Variants in ALDH5A1 observed in about 807,000 individuals in gnomAD.
ALDH5A1 encodes aldehyde dehydrogenase 5 family member A1.
A neutral mutation model predicts 54.7 loss-of-function variants in ALDH5A1; 33 were observed. That is an observed-to-expected ratio of 0.60 (90% confidence interval 0.46 to 0.81). The LOEUF (loss-of-function observed/expected upper bound fraction) is 0.81. ALDH5A1 is among the 30% of genes least tolerant of loss of function. ALDH5A1 has a pLI of 0.00. For missense variants in ALDH5A1, 657 were observed against 711.0 expected (o/e 0.92, Z 0.86); for synonymous variants, 294 against 292.7 (o/e 1.00, Z -0.05).
At position 24,495,156 on chromosome 6, in the gene ALDH5A1, C is replaced by T. The variant is rs1420187412; in HGVS notation, c.160C>T (p.Leu54Phe). The T allele has an allele frequency of 1.4e-6, 2 of 1,436,808 alleles. No homozygotes were observed. Among genetic ancestry groups the T allele is most frequent in the Non-Finnish European group, 1.8e-6 (2 of 1,101,624 alleles). 89.0% of individuals were successfully genotyped at this position (1,436,808 alleles called of 1,614,324 possible). Reference sequence around the variant, plus strand: ...CTGCTACGCTGGGCGCCTGGCGGGCCTCTCTGCGGCGCTGCTGCGCACCGA... The same window carrying T: ...CTGCTACGCTGGGCGCCTGGCGGGCTTCTCTGCGGCGCTGCTGCGCACCGA... ...LRCYAGRLAGLSAALLRTDSF... is the reference protein window; with the variant it reads ...LRCYAGRLAGFSAALLRTDSF... The change falls in exon 1 of 10, where the codon CTC becomes TTC. Residue 54 changes from leucine (L) to phenylalanine (F), a missense_variant. Transcript: ENST00000357578.
At chr6:24,503,240 G>A (rs372750006) in intron 2 of ALDH5A1, 23 bp from the exon 3 acceptor site, 60 of 1,611,634 alleles carry the variant, frequency 3.7e-5, no homozygotes, top group Non-Finnish European at 4.7e-5. Context: ...GTAATACGTG[G>A]GTTCTTTTCT....
chr6:24,515,734 G>A (rs936004593), intron 5 of ALDH5A1, among the ~76,000 whole-genome samples: 1 of 152,130 alleles, frequency 6.6e-6, no homozygotes. Context: ...AAAAAGGTCT[G>A]TTGGTTGAAT....
intron 4 of ALDH5A1, among the ~76,000 whole-genome samples, chr6:24,506,243 CTTTTTTTTTT>C (rs70974913): frequency 6.1e-4 from 32 of 52,160 alleles, no homozygotes; most frequent in South Asian, 1.1e-3. Flanking sequence ...TTCCTGGTTC[CTTTTTTTTTT>C]TTTTTTTTTT....
intron 1 of ALDH5A1, among the ~76,000 whole-genome samples, chr6:24,498,867 G>A (rs1209378406): frequency 6.6e-6 from 1 of 152,172 alleles, no homozygotes; most frequent in Admixed American, 6.5e-5. Context: ...GGGAGGCTAA[G>A]GCAGGTGGAT....
intron 1 of ALDH5A1, among the ~76,000 whole-genome samples, chr6:24,500,882 T>A (rs965983751): frequency 1.3e-5 from 2 of 149,728 alleles, no homozygotes; most frequent in African/African-American, 2.4e-5. Context: ...TGAGACCTTG[T>A]CTGTACAAAA....
chr6:24,504,175 G>A (rs573752762), intron 3 of ALDH5A1, among the ~76,000 whole-genome samples: 3 of 152,254 alleles, frequency 2.0e-5, no homozygotes, highest in South Asian at 4.2e-4. Context: ...CACTGTCTCC[G>A]TTTTCTTGAA....
At chr6:24,525,013 C>T (rs538562786) in intron 7 of ALDH5A1, among the ~76,000 whole-genome samples, 40 of 152,224 alleles carry the variant, frequency 2.6e-4, no homozygotes, top group African/African-American at 5.5e-4. Context: ...TGGTGCTGTA[C>T]GCCAGGACTT....
chr6:24,504,698 C>T (rs1411309209), intron 3 of ALDH5A1, among the ~76,000 whole-genome samples, 171 bp from the exon 4 acceptor site: 1 of 151,986 alleles, frequency 6.6e-6, no homozygotes, highest in East Asian at 1.9e-4. Context: ...ATCTCAGAGT[C>T]CCTCAAGTTG....
intron 8 of ALDH5A1, 30 bp from the exon 9 acceptor site, chr6:24,532,089 A>G: frequency 6.2e-7 from 1 of 1,610,520 alleles, no homozygotes; most frequent in Non-Finnish European, 8.5e-7. Flanking sequence ...TCCCCCTTAC[A>G]TTTTTTATGA....
rs1759239237 is a variant in ALDH5A1 at position 24,503,165 on chromosome 6, C to G, written c.439-98C>G. 4 of 1,462,132 alleles carry G rather than the reference C, an allele frequency of 2.7e-6. No homozygotes were observed. The Admixed American group carries it at 7.7e-5, about 28-fold the overall frequency. 90.6% of individuals were successfully genotyped at this position (1,462,132 alleles called of 1,614,324 possible). On this transcript the variant is annotated intron_variant, in intron 2 of 9. Transcript: ENST00000357578. ...ACTCTATGGGTATCGTTATAGGAGA[C>G]TTTTCTACTCTTGTTGCATCTTGAA...
In ALDH5A1 at chr6:24,509,527, C is replaced by T. The variant is rs1191867558; in HGVS notation, c.726+4542C>T. ...CCATTTCAGTCTGTTCGGGATATCTCGTTCTTCCTGATTTAAGCTAGGAGG... is the reference window on the plus strand; with the variant it reads ...CCATTTCAGTCTGTTCGGGATATCTTGTTCTTCCTGATTTAAGCTAGGAGG... On this transcript the variant is annotated intron_variant, in intron 4 of 9. Coordinates refer to ENST00000357578, the MANE Select transcript of ALDH5A1 (RefSeq NM_001080.3). This position sits in a 1 kb window ranked among gnomAD's most constrained non-coding sequence, Gnocchi z 4.7. Among the ~76,000 whole-genome samples, 2 of 152,156 alleles carry T rather than the reference C, an allele frequency of 1.3e-5. No homozygotes were observed. The highest frequency in any genetic ancestry group is 1.9e-4 in the East Asian group (1 of 5,178).
In ALDH5A1 at chr6:24,509,125, GT is replaced by G. The variant is rs1759414974; in HGVS notation, c.726+4141del. Among the ~76,000 whole-genome samples the G allele has an allele frequency of 7.1e-6, 1 of 141,160 alleles. No homozygotes were observed. The highest frequency in any genetic ancestry group is 2.5e-5 in the African/African-American group (1 of 39,826). The allele number at this position is 141,160 out of a possible 152,430, so 92.6% of individuals were successfully genotyped here. A position where few individuals can be genotyped will look rare whatever the true frequency, so the allele number is the denominator to read the frequency against. ...TGCAAAAGCTCTTTAGTTTATTTAAGTCCCAGCTATTTATCTTTGTTTTAGT... is the reference window on the plus strand; with the variant it reads ...TGCAAAAGCTCTTTAGTTTATTTAAGCCCAGCTATTTATCTTTGTTTTAGT... On this transcript the variant is annotated intron_variant, in intron 4 of 9. Transcript: ENST00000357578. This position sits in a 1 kb window ranked among gnomAD's most constrained non-coding sequence, Gnocchi z 4.7.
rs1268690622 is a variant in ALDH5A1, at chr6:24,535,471, C to T, written c.*1759C>T. On this transcript the variant is annotated 3_prime_UTR_variant, in exon 10 of 10. Coordinates refer to ENST00000357578, the MANE Select transcript of ALDH5A1 (RefSeq NM_001080.3). Reference sequence around the variant, plus strand: ...GTAGTTTTTAGGTGGTTTTATATAACATTTTAATTACTTGTGATTTAGATG... The same window carrying T: ...GTAGTTTTTAGGTGGTTTTATATAATATTTTAATTACTTGTGATTTAGATG... The T allele has an allele frequency of 6.6e-6, 1 of 152,140 alleles. No homozygotes were observed. Among genetic ancestry groups the T allele is most frequent in the Non-Finnish European group, 1.5e-5 (1 of 68,024 alleles). The allele number at this position is 152,140 out of a possible 1,614,324, so 9.4% of individuals were successfully genotyped here.
rs1250322546 is a variant in ALDH5A1, at chr6:24,500,438, A to G, written c.355-2085A>G. Among the ~76,000 whole-genome samples the G allele has an allele frequency of 5.3e-5, 8 of 152,156 alleles. No homozygotes were observed. In the East Asian group the frequency reaches 1.5e-3, roughly 29 times the overall value. ...CCAGTCACAAAAGGGCAAATGCTGT[A>G]TGATTCTACTTAATATGAGGTACCT... is the stretch of plus-strand genomic sequence containing the variant. On this transcript the variant is annotated intron_variant, in intron 1 of 9. Transcript: ENST00000357578.
intron 7 of ALDH5A1, among the ~76,000 whole-genome samples, chr6:24,524,325 T>A (rs1410194814): frequency 6.6e-6 from 1 of 152,090 alleles, no homozygotes; most frequent in East Asian, 1.9e-4. Context: ...AGGAAGACAG[T>A]AGAAGCTGAA....
At chr6:24,506,325 C>T (rs1418690478) in intron 4 of ALDH5A1, among the ~76,000 whole-genome samples, 1 of 124,910 alleles carries the variant, frequency 8.0e-6, no homozygotes, top group African/African-American at 3.1e-5. Context: ...GCAATCTTGG[C>T]TCACTGCAAC....
chr6:24,496,863 C>T (rs193038045), intron 1 of ALDH5A1, among the ~76,000 whole-genome samples: 1 of 152,266 alleles, frequency 6.6e-6, no homozygotes, highest in East Asian at 1.9e-4. Flanking sequence ...TCCAAATGCA[C>T]TCACATTCTG....
rs1334765558 is a variant in ALDH5A1 at position 24,536,745 on chromosome 6, C to T, written c.*3033C>T. The stretch of plus-strand genomic sequence containing the variant: ...AACTTCCTCCAGCTATGCAGGGATT[C>T]TCATTAAAGAGCTGATCTGCATCTG... On this transcript the variant is annotated 3_prime_UTR_variant, in exon 10 of 10. Transcript: ENST00000357578. 1.3e-5 allele frequency: 2 copies of T among 152,322 alleles called. No individual in the cohort carries two copies. The highest frequency in any genetic ancestry group is 2.9e-5 in the Non-Finnish European group (2 of 68,038). The allele number at this position is 152,322 out of a possible 1,614,324, so 9.4% of individuals were successfully genotyped here. A position where few individuals can be genotyped will look rare whatever the true frequency, so the allele number is the denominator to read the frequency against.
At chr6:24,522,507 A>T in intron 6 of ALDH5A1, 1 of 208,764 alleles carries the variant, frequency 4.8e-6, no homozygotes. Flanking sequence ...GTGTGTGTAC[A>T]GGTGCTTATT....
Sources: allele counts gnomAD v4.1 joint callset (sites outside exome capture counted in the v4.1 genomes callset), GRCh38; gene constraint gnomAD v4.1.1; non-coding constraint Gnocchi (gnomAD v3.1); transcripts MANE v1.5; gene names NCBI Gene and HGNC (gene_info 2026-07-23, HGNC 2026-07-21).